Variants in SLCO3A1 observed in about 807,000 individuals in gnomAD.
The protein encoded by SLCO3A1 is solute carrier organic anion transporter family member 3A1.
Under a neutral mutation model 63.1 loss-of-function variants are expected in SLCO3A1, and 27 were observed. The observed-to-expected ratio is 0.43, with a 90% CI of 0.32 to 0.59. The LOEUF is 0.59. SLCO3A1 is among the 20% of genes least tolerant of loss of function. The pLI is 0.09. For missense variants in SLCO3A1, 773 were observed against 945.8 expected, an observed-to-expected ratio of 0.82 and a Z score of 2.40; for synonymous variants, 473 against 409.9, an observed-to-expected ratio of 1.15 and a Z score of -1.86.
At position 91,978,900 on chromosome 15, in the gene SLCO3A1, A is replaced by G. The variant is rs781775176; in HGVS notation, c.646+62442A>G. Reference sequence around the variant, plus strand: ...GGCCCTTTACAGAAAAAGTTTGCCAACCTCTGGTCTAGTTCAACACTTAGC... The same window carrying G: ...GGCCCTTTACAGAAAAAGTTTGCCAGCCTCTGGTCTAGTTCAACACTTAGC... On this transcript the variant is annotated intron_variant, in intron 2 of 9. Transcript: ENST00000318445. Among the ~76,000 whole-genome samples the G allele has an allele frequency of 8.9e-4, 135 of 152,220 alleles. 1 individual carries two copies. Among genetic ancestry groups the G allele is most frequent in the Non-Finnish European group, 2.2e-4 (15 of 68,044 alleles).
intron 2 of SLCO3A1, among the ~76,000 whole-genome samples, chr15:91,936,412 G>C (rs576607507): frequency 6.6e-6 from 1 of 152,300 alleles, no homozygotes; most frequent in African/African-American, 2.4e-5. Flanking sequence ...AGCTAGATTC[G>C]AAGACCCAGT....
intron 9 of SLCO3A1, among the ~76,000 whole-genome samples, chr15:92,154,329 G>GA (rs1345279193): frequency 3.3e-5 from 5 of 152,252 alleles, no homozygotes; most frequent in Non-Finnish European, 5.9e-5. Context: ...AGGAAGAAAG[G>GA]ATGTAGAGCA....
chr15:92,123,488 T>G (rs1219116307), intron 5 of SLCO3A1, among the ~76,000 whole-genome samples: 1 of 152,148 alleles, frequency 6.6e-6, no homozygotes. Context: ...CCCCTCTCCC[T>G]GGGAACTGCC....
In SLCO3A1 at chr15:92,164,958, A is replaced by AACTC; in HGVS notation, c.*1825_*1828dup. On this transcript the variant is annotated 3_prime_UTR_variant, in exon 10 of 10. Transcript: ENST00000318445. The stretch of plus-strand genomic sequence containing the variant: ...GTCACATTCCTGGCGCTGGAAAAAA[A>AACTC]ACTCAAAGGTTGATTGGTTTGCTTT... The AACTC allele has an allele frequency of 2.1e-6, 2 of 969,806 alleles. No individual in the cohort carries two copies. Among genetic ancestry groups the AACTC allele is most frequent in the South Asian group, 4.8e-5 (1 of 20,798 alleles). The allele number at this position is 969,806 out of a possible 1,614,324, so 60.1% of individuals were successfully genotyped here. A position where few individuals can be genotyped will look rare whatever the true frequency, so the allele number is the denominator to read the frequency against.
At chr15:92,009,186 CA>C (rs1271704844) in intron 2 of SLCO3A1, among the ~76,000 whole-genome samples, 2 of 152,182 alleles carry the variant, frequency 1.3e-5, no homozygotes, top group Non-Finnish European at 2.9e-5. Flanking sequence ...CCCTGAGTTA[CA>C]GTTGGGAAGT....
chr15:91,986,601 A>C (rs371997228), intron 2 of SLCO3A1, among the ~76,000 whole-genome samples: 1 of 152,172 alleles, frequency 6.6e-6, no homozygotes, highest in African/African-American at 2.4e-5. Context: ...AAAAAAAAAA[A>C]AAAACTAGGT....
chr15:92,159,567 G>T (rs1355342056), intron 9 of SLCO3A1, among the ~76,000 whole-genome samples: 2 of 137,862 alleles, frequency 1.5e-5, no homozygotes, highest in Non-Finnish European at 3.1e-5. Context: ...ACTTTGGTAG[G>T]TTTTTTTTTT....
At chr15:92,150,131 A>G (rs1364526223) in intron 8 of SLCO3A1, among the ~76,000 whole-genome samples, 2 of 152,174 alleles carry the variant, frequency 1.3e-5, no homozygotes, top group African/African-American at 4.8e-5. Context: ...CTGGGTCCCA[A>G]ACTGAAGAAC....
chr15:92,110,981 A>G (rs2047722068), intron 4 of SLCO3A1, among the ~76,000 whole-genome samples: 1 of 152,206 alleles, frequency 6.6e-6, no homozygotes, highest in Admixed American at 6.5e-5. Context: ...TGAATGGTAG[A>G]GGATGTGCCA....
At chr15:92,048,562 C>T (rs1043853513) in intron 2 of SLCO3A1, among the ~76,000 whole-genome samples, 1 of 152,106 alleles carries the variant, frequency 6.6e-6, no homozygotes, top group Admixed American at 6.5e-5. Flanking sequence ...TAGTAGCAGC[C>T]CCCTACCATG....
chr15:92,043,552 T>C (rs1028177428), intron 2 of SLCO3A1, among the ~76,000 whole-genome samples: 1 of 152,234 alleles, frequency 6.6e-6, no homozygotes, highest in Non-Finnish European at 1.5e-5. Context: ...CATGCTTTGA[T>C]ACCTTTTTGT....
intron 6 of SLCO3A1, among the ~76,000 whole-genome samples, chr15:92,127,358 G>A (rs1474392517): frequency 2.3e-5 from 2 of 85,262 alleles, no homozygotes; most frequent in Non-Finnish European, 5.6e-5. Context: ...GAAAAGAAAA[G>A]TGTATATCCT....
intron 2 of SLCO3A1, among the ~76,000 whole-genome samples, chr15:91,939,479 C>T (rs1899539486): frequency 6.6e-6 from 1 of 152,184 alleles, no homozygotes; most frequent in Non-Finnish European, 1.5e-5. Flanking sequence ...GCCTCCACCT[C>T]CCAGCTTTGC....
intron 1 of SLCO3A1, among the ~76,000 whole-genome samples, chr15:91,893,442 AG>A (rs1192879819): frequency 6.6e-6 from 1 of 152,158 alleles, no homozygotes; most frequent in Non-Finnish European, 1.5e-5. Flanking sequence ...GTATCTGGTA[AG>A]GGCCTGCTTT....
intron 1 of SLCO3A1, among the ~76,000 whole-genome samples, chr15:91,910,718 TC>T (rs1898458275): frequency 6.6e-6 from 1 of 152,156 alleles, no homozygotes; most frequent in Non-Finnish European, 1.5e-5. Context: ...GGTGTAAACA[TC>T]CATGCATGCA....
At chr15:92,155,571 G>C (rs1243028591) in intron 9 of SLCO3A1, among the ~76,000 whole-genome samples, 1 of 152,158 alleles carries the variant, frequency 6.6e-6, no homozygotes, top group South Asian at 2.1e-4. Flanking sequence ...TCAGAATTCT[G>C]CTTTAGGTAG....
intron 9 of SLCO3A1, among the ~76,000 whole-genome samples, chr15:92,157,430 C>T (rs560164964): frequency 6.6e-6 from 1 of 152,112 alleles, no homozygotes; most frequent in South Asian, 2.1e-4. Context: ...CCTGGCCCCC[C>T]CCCTTGTCCT....
intron 2 of SLCO3A1, among the ~76,000 whole-genome samples, chr15:92,048,092 C>G (rs2046911896): frequency 6.6e-6 from 1 of 152,122 alleles, no homozygotes; most frequent in Admixed American, 6.5e-5. Context: ...AGTCACTTCT[C>G]CATAGGAACT....
intron 1 of SLCO3A1, among the ~76,000 whole-genome samples, chr15:91,861,603 A>G (rs1432764603): frequency 6.6e-6 from 1 of 152,274 alleles, no homozygotes; most frequent in Non-Finnish European, 1.5e-5. Flanking sequence ...TTAAAAGCAA[A>G]AAGTAACATA....
Sources: gnomAD v4.1 joint callset for allele counts (sites outside exome capture counted in the v4.1 genomes callset) on GRCh38, gnomAD v4.1.1 for gene constraint, MANE v1.5 for transcripts, NCBI Gene and HGNC (gene_info 2026-07-23, HGNC 2026-07-21) for gene names.